Variants in GAS7 observed in about 807,000 individuals in gnomAD.
The protein encoded by GAS7 is growth arrest-specific protein 7.
GAS7 carries 28 observed loss-of-function variants against 71.1 expected under a neutral mutation model. The ratio of observed to expected loss-of-function variants is 0.39; its 90% CI spans 0.29 to 0.54. GAS7 has a LOEUF of 0.54. GAS7 is among the 20% of genes least tolerant of loss of function. GAS7 has a pLI of 0.62. For missense variants in GAS7, 436 were observed against 627.8 expected, an observed-to-expected ratio of 0.69 and a Z score of 3.27; for synonymous variants, 258 against 245.8, an observed-to-expected ratio of 1.05 and a Z score of -0.46.
At chr17:9,980,966 G>A (rs2070389797) in intron 3 of GAS7, among the ~76,000 whole-genome samples, 1 of 152,122 alleles carries the variant, frequency 6.6e-6, no homozygotes, top group Non-Finnish European at 1.5e-5. Context: ...TCTCCCAAGA[G>A]GCCCCTGAAC....
chr17:9,926,638 C>T lies in GAS7; in HGVS notation c.1014+3G>A, dbSNP rs372604194. 43 of 1,613,006 alleles carry T rather than the reference C, an allele frequency of 2.7e-5. No homozygotes were observed. Among genetic ancestry groups the T allele is most frequent in the Non-Finnish European group, 3.6e-5 (42 of 1,180,020 alleles). ...CCCTGGCCCAGCGTCCTGGGCCTCT[C>T]ACCTTCTCCACCGAGGCATAGCGGC... On this transcript the variant is annotated splice_donor_region_variant and intron_variant, in intron 10 of 13. Coordinates refer to ENST00000432992, the MANE Select transcript of GAS7 (RefSeq NM_201433.2). The surrounding 1 kb of genome is among the most constrained non-coding windows in gnomAD (Gnocchi z 5.0).
intron 1 of GAS7, among the ~76,000 whole-genome samples, chr17:10,098,979 T>G (rs575562008): frequency 6.6e-6 from 1 of 151,986 alleles, no homozygotes; most frequent in Non-Finnish European, 1.5e-5. Flanking sequence ...AAAAAAAGAA[T>G]GCAGATAACA....
At chr17:10,008,162 CATA>C (rs760006611) in intron 2 of GAS7, among the ~76,000 whole-genome samples, 4 of 152,016 alleles carry the variant, frequency 2.6e-5, no homozygotes, top group Non-Finnish European at 4.4e-5. Context: ...TGCTGCTGGC[CATA>C]ATAAATAATG....
chr17:10,064,114 C>T (rs1013414007), intron 1 of GAS7, among the ~76,000 whole-genome samples: 12 of 152,326 alleles, frequency 7.9e-5, no homozygotes, highest in East Asian at 1.9e-4. Flanking sequence ...GTCCCAGCAG[C>T]GGCGGCTGCT....
chr17:9,948,854 C>G (rs183138142), intron 5 of GAS7, among the ~76,000 whole-genome samples: 2 of 152,324 alleles, frequency 1.3e-5, no homozygotes, highest in African/African-American at 4.8e-5. Context: ...CCCACCTCTC[C>G]TAGGACGCGG....
At position 9,959,408 on chromosome 17, in the gene GAS7, G is replaced by C. The variant is rs2069387924; in HGVS notation, c.472-153C>G. ...CATATTCTGGGCCAGGGCAAGCAGG[G>C]GTCTCCCTGACCCCACGCTGTTCCC... On this transcript the variant is annotated intron_variant, in intron 4 of 13. Transcript: ENST00000432992. This position sits in a 1 kb window ranked among gnomAD's most constrained non-coding sequence, Gnocchi z 5.0. 1.3e-6 allele frequency: 2 copies of C among 1,484,068 alleles called. No individual in the cohort carries two copies. Among genetic ancestry groups the C allele is most frequent in the Non-Finnish European group, 1.8e-6 (2 of 1,114,732 alleles). The allele number at this position is 1,484,068 out of a possible 1,614,324, so 91.9% of individuals were successfully genotyped here.
intron 2 of GAS7, among the ~76,000 whole-genome samples, chr17:10,015,756 A>G (rs989041591): frequency 2.0e-5 from 3 of 152,120 alleles, no homozygotes; most frequent in Non-Finnish European, 1.5e-5. Context: ...CCCTACAAAC[A>G]CAGCTGACTC....
At chr17:10,124,199 C>A (rs1291482388) in intron 1 of GAS7, among the ~76,000 whole-genome samples, 1 of 152,220 alleles carries the variant, frequency 6.6e-6, no homozygotes, top group Non-Finnish European at 1.5e-5. Flanking sequence ...CGTGGCGGGG[C>A]CTTGCACTCA....
intron 1 of GAS7, among the ~76,000 whole-genome samples, chr17:10,099,997 A>C (rs551366262): frequency 6.6e-6 from 1 of 152,216 alleles, no homozygotes; most frequent in Non-Finnish European, 1.5e-5. Context: ...TAGCACCTAC[A>C]TAGAAGATCA....
At chr17:10,057,947 C>T (rs1395712591) in intron 1 of GAS7, among the ~76,000 whole-genome samples, 1 of 152,180 alleles carries the variant, frequency 6.6e-6, no homozygotes, top group Non-Finnish European at 1.5e-5. Flanking sequence ...TATGGCCTTA[C>T]CCCCAACCCC....
At chr17:10,150,591 CTTT>C (rs3051271) in intron 1 of GAS7, among the ~76,000 whole-genome samples, 2 of 118,948 alleles carry the variant, frequency 1.7e-5, no homozygotes. Flanking sequence ...TGTTACATTT[CTTT>C]TTTTTTTTTT....
chr17:10,168,379 G>A (rs2074310705), intron 1 of GAS7, among the ~76,000 whole-genome samples: 2 of 152,194 alleles, frequency 1.3e-5, no homozygotes, highest in African/African-American at 4.8e-5. Flanking sequence ...GAGGCCTAGG[G>A]AAGTAGTTGA....
intron 1 of GAS7, among the ~76,000 whole-genome samples, chr17:10,056,053 T>C (rs2073132254): frequency 1.3e-5 from 2 of 152,202 alleles, no homozygotes; most frequent in African/African-American, 4.8e-5. Context: ...ACTTAGATGA[T>C]AGTCATATAA....
In GAS7 at chr17:10,186,402, C is replaced by CTTTTTT. The variant is rs71139025; in HGVS notation, c.183+11800_183+11805dup. On this transcript the variant is annotated intron_variant, in intron 1 of 13. Transcript: ENST00000432992. The stretch of plus-strand genomic sequence containing the variant: ...AAGCCAGGCCCCACGTATTCAAAGG[C>CTTTTTT]TTTTTTTTTTTTTTTTGAGACCTAG... Among the ~76,000 whole-genome samples, 417 of 128,104 alleles carry CTTTTTT rather than the reference C, an allele frequency of 3.3e-3. 8 individuals are homozygous for CTTTTTT. Among genetic ancestry groups the CTTTTTT allele is most frequent in the African/African-American group, 0.012 (401 of 33,376 alleles). 84.0% of individuals were successfully genotyped at this position (128,104 alleles called of 152,430 possible).
At chr17:9,935,351 C>T (rs2068361969) in intron 8 of GAS7, among the ~76,000 whole-genome samples, 1 of 152,240 alleles carries the variant, frequency 6.6e-6, no homozygotes, top group South Asian at 2.1e-4. Context: ...GTCCCTAAGA[C>T]TTGCCAATGC....
chr17:10,048,673 T>G (rs184504064), intron 1 of GAS7, among the ~76,000 whole-genome samples: 1 of 152,334 alleles, frequency 6.6e-6, no homozygotes, highest in Non-Finnish European at 1.5e-5. Context: ...ATTCAAGACA[T>G]ACAAATCCAT....
intron 1 of GAS7, among the ~76,000 whole-genome samples, chr17:10,022,605 G>A (rs1162708733): frequency 6.6e-6 from 1 of 152,184 alleles, no homozygotes; most frequent in African/African-American, 2.4e-5. Flanking sequence ...TCTGTGAAAC[G>A]AAGGGTGATA....
intron 1 of GAS7, among the ~76,000 whole-genome samples, chr17:10,094,453 A>ATTTGTT (rs1355759638): frequency 2.0e-5 from 3 of 151,892 alleles, no homozygotes; most frequent in Non-Finnish European, 4.4e-5. Flanking sequence ...CTCTCTGGAT[A>ATTTGTT]TTTCTTTTTC....
intron 1 of GAS7, among the ~76,000 whole-genome samples, chr17:10,153,239 C>T (rs1249756770): frequency 1.9e-5 from 1 of 52,776 alleles, no homozygotes; most frequent in African/African-American, 9.6e-5. Context: ...TGGTGGCTCA[C>T]GCCTGTAATC....
Sources: gnomAD v4.1 joint callset for allele counts (sites outside exome capture counted in the v4.1 genomes callset) on GRCh38, gnomAD v4.1.1 for gene constraint, Gnocchi (gnomAD v3.1) non-coding constraint, MANE v1.5 for transcripts, NCBI Gene and HGNC (gene_info 2026-07-23, HGNC 2026-07-21) for gene names.